The following GOLT1A variants were observed in gnomAD, a reference collection of about 807,000 sequenced individuals.
GOLT1A encodes the protein vesicle transport protein GOT1A.
Under a neutral mutation model 16.1 loss-of-function variants are expected in GOLT1A, and 10 were observed. The observed-to-expected ratio is 0.62, with a 90% CI of 0.38 to 1.05. The LOEUF is 1.05. Among genes scored for constraint, GOLT1A ranks in the 50% least tolerant of loss-of-function variants. The pLI, the probability that GOLT1A is intolerant of heterozygous loss-of-function variation, is 0.01. For synonymous variants in GOLT1A, 60 were observed against 67.9 expected, an observed-to-expected ratio of 0.88 and a Z score of 0.57; for missense variants, 137 against 165.7, an observed-to-expected ratio of 0.83 and a Z score of 0.95.
chr1:204,211,302 G>C (rs998825024), intron 1 of GOLT1A, among the ~76,000 whole-genome samples: 1 of 151,638 alleles, frequency 6.6e-6, no homozygotes, highest in Non-Finnish European at 1.5e-5. Context: ...ACAGCTCACA[G>C]GCCCTGCCTG....
intron 3 of GOLT1A, among the ~76,000 whole-genome samples, chr1:204,200,535 C>A (rs1185778852): frequency 6.6e-6 from 1 of 151,504 alleles, no homozygotes; most frequent in African/African-American, 2.4e-5. Context: ...ACTATGTTGG[C>A]TAGTCTGTTC....
intron 1 of GOLT1A, among the ~76,000 whole-genome samples, chr1:204,211,179 C>T (rs565653189): frequency 2.6e-5 from 4 of 152,300 alleles, no homozygotes; most frequent in East Asian, 3.9e-4. Context: ...CTTCTCCACA[C>T]GGCGCTCAAA....
chr1:204,200,880 C>T (rs531161219), intron 3 of GOLT1A, among the ~76,000 whole-genome samples: 6 of 152,176 alleles, frequency 3.9e-5, no homozygotes, highest in African/African-American at 1.4e-4. Flanking sequence ...TCCACACCAC[C>T]GTGTAGACAT....
In GOLT1A at chr1:204,198,516, T is replaced by C. The variant is rs749293080; in HGVS notation, c.361-20A>G. On this transcript the variant is annotated intron_variant, in intron 4 of 4. Coordinates refer to ENST00000308302, the MANE Select transcript of GOLT1A (RefSeq NM_198447.2). ...GAACAGCTGTGGGAGCCAAGAATCA[T>C]TACTCCACACAAAGGGTAGAGAGCA... 4.3e-6 allele frequency: 7 copies of C among 1,611,372 alleles called. No individual in the cohort carries two copies. The highest frequency in any genetic ancestry group is 1.7e-5 in the Admixed American group (1 of 59,570).
chr1:204,202,966 C>A lies in GOLT1A; in HGVS notation c.47G>T (p.Gly16Val). The part of the protein sequence containing the change: ...EWQKIGVGIT[G>V]FGIFFILFGT... ...AAAGAGGATGAAGAAGATGCCGAAA[C>A]CGGTGATCCCCACACCAATCTCTGC... The change falls in exon 2 of 5, where the codon GGT becomes GTT. Residue 16 changes from glycine (G) to valine (V), a missense_variant. By Grantham distance (109) the Gly-to-Val change is moderately radical. Coordinates refer to ENST00000308302, the MANE Select transcript of GOLT1A (RefSeq NM_198447.2). The A allele has an allele frequency of 3.7e-6, 6 of 1,614,046 alleles. No homozygotes were observed. The highest frequency in any genetic ancestry group is 5.1e-6 in the Non-Finnish European group (6 of 1,179,984).
intron 1 of GOLT1A, among the ~76,000 whole-genome samples, chr1:204,204,455 A>T (rs1659010556): frequency 6.6e-6 from 1 of 152,176 alleles, no homozygotes; most frequent in Non-Finnish European, 1.5e-5. Context: ...AGGTTCCTTC[A>T]TGTTGTAGCA....
At chr1:204,211,115 C>T (rs550347419) in intron 1 of GOLT1A, among the ~76,000 whole-genome samples, 2 of 152,294 alleles carry the variant, frequency 1.3e-5, no homozygotes, top group South Asian at 2.1e-4. Flanking sequence ...CTTTCCTGGA[C>T]GTATGCAGCA....
intron 1 of GOLT1A, among the ~76,000 whole-genome samples, chr1:204,208,476 G>GTGTATATATATATATA (rs1286299770): frequency 5.0e-4 from 20 of 39,906 alleles, no homozygotes; most frequent in African/African-American, 1.1e-3. Context: ...GTGTGTGTGT[G>GTGTATATATATATATA]TATATATATA....
intron 1 of GOLT1A, among the ~76,000 whole-genome samples, chr1:204,208,206 A>G (rs1487829489): frequency 6.6e-6 from 1 of 151,908 alleles, no homozygotes; most frequent in Middle Eastern, 3.2e-3. Context: ...ATACTTGCAC[A>G]TGCCTGTTTC....
chr1:204,208,426 GTATA>G (rs1659081588), intron 1 of GOLT1A, among the ~76,000 whole-genome samples: 15 of 56,248 alleles, frequency 2.7e-4, no homozygotes, highest in Non-Finnish European at 3.0e-4. Context: ...ATACATATGT[GTATA>G]TGTATACATA....
intron 1 of GOLT1A, among the ~76,000 whole-genome samples, chr1:204,205,977 G>C (rs1006599203): frequency 2.6e-5 from 4 of 152,166 alleles, no homozygotes; most frequent in African/African-American, 9.7e-5. Context: ...GGCTGAGGCA[G>C]GAGAATTGCT....
intron 3 of GOLT1A, among the ~76,000 whole-genome samples, 177 bp from the exon 4 acceptor site, chr1:204,199,435 C>T (rs554935360): frequency 1.0e-3 from 152 of 152,194 alleles, no homozygotes; most frequent in African/African-American, 3.6e-3. Flanking sequence ...AGAATGAAGG[C>T]CCCAGGGTCA....
intron 1 of GOLT1A, among the ~76,000 whole-genome samples, chr1:204,208,925 G>A (rs951855078): frequency 3.9e-5 from 6 of 152,170 alleles, no homozygotes; most frequent in South Asian, 2.1e-4. Context: ...ACATTGATAT[G>A]TGACTATCCT....
intron 1 of GOLT1A, among the ~76,000 whole-genome samples, chr1:204,207,181 TGTCATACAGATGCCCCCAGGAGTGAC>T (rs1659051466): frequency 6.6e-6 from 1 of 152,230 alleles, no homozygotes; most frequent in African/African-American, 2.4e-5. Flanking sequence ...GGGGTGGGGA[TGTCATACAGATGCCCCCAGGAGTGAC>T]AGGTGTGCCT....
rs143279062 is a variant in GOLT1A, at chr1:204,210,154, A to C, written c.25+3728T>G. ...AGGCAATGCTCTTGCCTTGGCCATT[A>C]ATGACCTTCATGTTACCAGATCCAA... On this transcript the variant is annotated intron_variant, in intron 1 of 4. Coordinates refer to ENST00000308302, the MANE Select transcript of GOLT1A (RefSeq NM_198447.2). 7.9e-5 allele frequency among the ~76,000 whole-genome samples: 12 copies of C among 152,356 alleles called. 1 individual carries two copies. In the East Asian group the frequency reaches 2.3e-3, roughly 29 times the overall value.
At chr1:204,205,777 C>G (rs942927376) in intron 1 of GOLT1A, among the ~76,000 whole-genome samples, 8 of 152,140 alleles carry the variant, frequency 5.3e-5, no homozygotes, top group Non-Finnish European at 1.2e-4. Flanking sequence ...ATCAAAAATA[C>G]AGCAATGAAG....
chr1:204,207,817 T>C (rs1055249163), intron 1 of GOLT1A, among the ~76,000 whole-genome samples: 1 of 152,122 alleles, frequency 6.6e-6, no homozygotes, highest in Non-Finnish European at 1.5e-5. Context: ...AATGCTCTGG[T>C]GTGGTTTTTA....
chr1:204,202,600 G>A (rs1658979987), intron 2 of GOLT1A, among the ~76,000 whole-genome samples: 1 of 152,046 alleles, frequency 6.6e-6, no homozygotes, highest in African/African-American at 2.4e-5. Flanking sequence ...GGCAGGGACA[G>A]TGTCTGAGTC....
At chr1:204,202,863 A>G (rs773426625) in intron 2 of GOLT1A, 33 bp downstream of exon 2, 1 of 1,489,254 alleles carries the variant, frequency 6.7e-7, no homozygotes, top group Non-Finnish European at 9.4e-7. Flanking sequence ...AGGTTGGGGC[A>G]GGGGAGTGGG....
Sources: allele counts gnomAD v4.1 joint callset (sites outside exome capture counted in the v4.1 genomes callset), GRCh38; gene constraint gnomAD v4.1.1; transcripts MANE v1.5; gene names NCBI Gene and HGNC (gene_info 2026-07-23, HGNC 2026-07-21).